Variants in POU2F2 observed in about 807,000 individuals in gnomAD.
The protein encoded by POU2F2 is POU domain, class 2, transcription factor 2.
POU2F2 carries 14 observed loss-of-function variants against 63.5 expected under a neutral mutation model. The ratio of observed to expected loss-of-function variants is 0.22; its 90% CI spans 0.15 to 0.34. The LOEUF is 0.34. POU2F2 is among the 10% of genes least tolerant of loss of function. POU2F2 has a pLI of 1.00. For missense variants in POU2F2, 607 were observed against 815.2 expected (o/e 0.74, Z 3.11); for synonymous variants, 306 against 348.6 (o/e 0.88, Z 1.36).
intron 5 of POU2F2, among the ~76,000 whole-genome samples, chr19:42,111,845 C>T (rs1280822000): frequency 5.9e-5 from 9 of 152,148 alleles, no homozygotes; most frequent in Admixed American, 3.9e-4. Context: ...TCGATTAGTA[C>T]AGTCACTCCA....
At chr19:42,101,145 A>C (rs2077126829) in intron 5 of POU2F2, among the ~76,000 whole-genome samples, 1 of 152,168 alleles carries the variant, frequency 6.6e-6, no homozygotes, top group African/African-American at 2.4e-5. Context: ...AACACTCCCA[A>C]GGCAAATGAT....
chr19:42,088,975 C>T lies in POU2F2; in HGVS notation c.*2282G>A, dbSNP rs1568958819. ...GAAGGGAGACAAGGAAAAAAGAGAA[C>T]GCTGAGGCCTGGAGCTCCATCTGCC... On this transcript the variant is annotated 3_prime_UTR_variant, in exon 15 of 15. Transcript: ENST00000692977. 1.3e-5 allele frequency: 2 copies of T among 152,622 alleles called. No homozygotes were observed. The highest frequency in any genetic ancestry group is 2.4e-5 in the African/African-American group (1 of 41,452). 9.5% of individuals were successfully genotyped at this position (152,622 alleles called of 1,614,324 possible).
In POU2F2 at chr19:42,109,872, C is replaced by T. The variant is rs143835566; in HGVS notation, c.369+7378G>A. On this transcript the variant is annotated intron_variant, in intron 5 of 14. Transcript: ENST00000692977. Reference sequence around the variant, plus strand: ...TTGAGGTGATAAGTATGCTAATTAGCCTGATTTGATCATTCCACAATGTAT... The same window carrying T: ...TTGAGGTGATAAGTATGCTAATTAGTCTGATTTGATCATTCCACAATGTAT... Among the ~76,000 whole-genome samples, 9 of 152,254 alleles carry T rather than the reference C, an allele frequency of 5.9e-5. No individual in the cohort carries two copies. The East Asian group carries it at 1.7e-3, about 29-fold the overall frequency.
intron 1 of POU2F2, among the ~76,000 whole-genome samples, chr19:42,190,580 A>C (rs577902190): frequency 6.6e-6 from 1 of 152,212 alleles, no homozygotes; most frequent in Non-Finnish European, 1.5e-5. Flanking sequence ...GGGGCTGGGC[A>C]CGATGGCTCA....
In POU2F2 at chr19:42,095,139, C is replaced by G. The variant is rs1599935133; in HGVS notation, c.1197+147G>C. The G allele has an allele frequency of 2.9e-6, 3 of 1,046,792 alleles. No individual in the cohort carries two copies. The East Asian group carries it at 7.8e-5, about 27-fold the overall frequency. The allele number at this position is 1,046,792 out of a possible 1,614,324, so 64.8% of individuals were successfully genotyped here. On this transcript the variant is annotated intron_variant, in intron 11 of 14. Coordinates refer to ENST00000692977, the MANE Select transcript of POU2F2 (RefSeq NM_001394376.1). The surrounding 1 kb of genome is among the most constrained non-coding windows in gnomAD (Gnocchi z 7.1). ...TTCCCTGGAAACCGTCCCTGTGTAA[C>G]TGTGCCCATCTACGTGATGGCCTGT...
intron 5 of POU2F2, chr19:42,116,796 C>A (rs1031170047): frequency 4.9e-5 from 18 of 364,216 alleles, no homozygotes; most frequent in Admixed American, 4.3e-4. Flanking sequence ...GCAGGTCACC[C>A]CCCCCAGAGG....
intron 5 of POU2F2, among the ~76,000 whole-genome samples, chr19:42,103,734 G>A (rs570118352): frequency 1.4e-5 from 2 of 144,848 alleles, no homozygotes; most frequent in Admixed American, 7.3e-5. Flanking sequence ...CCAGGTTCAC[G>A]CCATTCTCCT....
At position 42,162,853 on chromosome 19, in the gene POU2F2, C is replaced by A. The variant is rs922029478; in HGVS notation, c.-69-2461G>T. On this transcript the variant is annotated intron_variant, in intron 1 of 6. Coordinates refer to the POU2F2 transcript ENST00000524801. The surrounding 1 kb of genome is among the most constrained non-coding windows in gnomAD (Gnocchi z 4.1). The stretch of plus-strand genomic sequence containing the variant: ...CAGACACAGAATGCCCACATACAAC[C>A]CCACCGATAGACAGATGGAAACACT... 1.3e-5 allele frequency among the ~76,000 whole-genome samples: 2 copies of A among 152,238 alleles called. No individual in the cohort carries two copies. Among genetic ancestry groups the A allele is most frequent in the South Asian group, 2.1e-4 (1 of 4,822 alleles).
chr19:42,192,189 C>T (rs757069404), intron 1 of POU2F2, among the ~76,000 whole-genome samples: 5 of 152,084 alleles, frequency 3.3e-5, no homozygotes, highest in Non-Finnish European at 4.4e-5. Flanking sequence ...TTATCAGGGA[C>T]AGTTAAATAT....
At chr19:42,187,749 G>A (rs1282647786) in intron 1 of POU2F2, among the ~76,000 whole-genome samples, 4 of 136,464 alleles carry the variant, frequency 2.9e-5, no homozygotes, top group African/African-American at 5.6e-5. Flanking sequence ...CCGACAGAGC[G>A]AGACTCCATC....
chr19:42,168,811 G>T (rs929465071), intron 1 of POU2F2, among the ~76,000 whole-genome samples: 1 of 152,206 alleles, frequency 6.6e-6, no homozygotes, highest in African/African-American at 2.4e-5. Context: ...TCTGTGTGTT[G>T]TGCCTGATGT....
rs767912545 is a variant in POU2F2 at position 42,092,111 on chromosome 19, C to G, written c.1424G>C (p.Ser475Thr). 3.1e-6 allele frequency: 5 copies of G among 1,589,486 alleles called. No individual in the cohort carries two copies. In the South Asian group the frequency reaches 4.6e-5, roughly 15 times the overall value. Residue 475 changes from serine (S) to threonine (T), a missense_variant, in exon 13 of 15, where the codon AGC (serine) becomes ACC (threonine). By Grantham distance (58) the Ser-to-Thr change is moderately conservative. Transcript: ENST00000692977. The surrounding 1 kb of genome is among the most constrained non-coding windows in gnomAD (Gnocchi z 5.0). ...TNSTNPSPQG[S>T]HSAIGLSGLN... ...GCCTGACAAGCCGATAGCCGAGTGG[C>G]TGCCTTGAGGGCTGGGGTTTGTGCT...
At chr19:42,120,593 G>A (rs1568386509) in intron 4 of POU2F2, among the ~76,000 whole-genome samples, 1 of 151,966 alleles carries the variant, frequency 6.6e-6, no homozygotes, top group Non-Finnish European at 1.5e-5. Flanking sequence ...TAGACCCTTC[G>A]GCACACAAGA....
intron 1 of POU2F2, among the ~76,000 whole-genome samples, chr19:42,166,373 C>T (rs1170801657): frequency 6.6e-6 from 1 of 152,154 alleles, no homozygotes; most frequent in Non-Finnish European, 1.5e-5. Flanking sequence ...TTCAAAGCAC[C>T]TTGCACAATG....
chr19:42,176,849 G>GCCCGCCCGGCT (rs1021575545), upstream of POU2F2, among the ~76,000 whole-genome samples: 72 of 151,754 alleles, frequency 4.7e-4, 2 homozygotes, highest in Middle Eastern at 0.014. Context: ...AGTGAGCGGC[G>GCCCGCCCGGCT]CCCGCCCGGC....
In POU2F2 at chr19:42,092,189, G is replaced by A; in HGVS notation, c.1346C>T (p.Pro449Leu). 23 of 1,562,268 alleles carry A rather than the reference G, an allele frequency of 1.5e-5. No homozygotes were observed. The highest frequency in any genetic ancestry group is 1.8e-5 in the Non-Finnish European group (21 of 1,156,980). ...GACAGAGGGGATGGAATTGAGGGGGGGCGCAGCCCCGCCCCCGCCCCCACC... is the reference window on the plus strand; with the variant it reads ...GACAGAGGGGATGGAATTGAGGGGGAGCGCAGCCCCGCCCCCGCCCCCACC... The part of the protein sequence containing the change: ...GGGGGGGGAA[P>L]PLNSIPSVTP... Residue 449 changes from proline (P) to leucine (L), a missense_variant, in exon 13 of 15, where the codon CCC becomes CTC. By Grantham distance (98) the Pro-to-Leu change is moderately conservative (BLOSUM62 -3). This residue lies in a region of POU2F2 where 270 missense variants were observed against 307.5 expected (regional missense o/e 0.88). Coordinates refer to ENST00000692977, the MANE Select transcript of POU2F2 (RefSeq NM_001394376.1). This position sits in a 1 kb window ranked among gnomAD's most constrained non-coding sequence, Gnocchi z 5.0.
At chr19:42,141,485 T>C (rs1272539401) in intron 2 of POU2F2, among the ~76,000 whole-genome samples, 1 of 147,340 alleles carries the variant, frequency 6.8e-6, no homozygotes, top group Non-Finnish European at 1.5e-5. Context: ...TTTTTTTTTT[T>C]TTTTTTTTTT....
intron 1 of POU2F2, among the ~76,000 whole-genome samples, chr19:42,185,726 A>G (rs1474047856): frequency 6.6e-6 from 1 of 152,194 alleles, no homozygotes; most frequent in Non-Finnish European, 1.5e-5. Flanking sequence ...ACACAGCTTG[A>G]GTATCTATAC....
chr19:42,122,498 C>G lies in POU2F2; in HGVS notation c.94+13G>C. 6.2e-7 allele frequency: 1 copy of G among 1,611,376 alleles called. No homozygotes were observed. The highest frequency in any genetic ancestry group is 8.5e-7 in the Non-Finnish European group (1 of 1,178,320). The stretch of plus-strand genomic sequence containing the variant: ...CACGGTGACCCCTGCCCCCCTGCTC[C>G]CTGCCCACCCACCTGTGTGCTCTGA... On this transcript the variant is annotated intron_variant, in intron 2 of 14. Coordinates refer to ENST00000692977, the MANE Select transcript of POU2F2 (RefSeq NM_001394376.1).
Sources: allele counts gnomAD v4.1 joint callset (sites outside exome capture counted in the v4.1 genomes callset), GRCh38; gene constraint gnomAD v4.1.1; regional missense constraint gnomAD v4.1.1; non-coding constraint Gnocchi (gnomAD v3.1); transcripts MANE v1.5; gene names NCBI Gene and HGNC (gene_info 2026-07-23, HGNC 2026-07-21).